Variants in TRIM43B observed in about 807,000 individuals in gnomAD.
TRIM43B encodes the protein tripartite motif-containing protein 43B.
Under a neutral mutation model 27.0 loss-of-function variants are expected in TRIM43B, and 15 were observed. The ratio of observed to expected loss-of-function variants is 0.55; its 90% CI spans 0.37 to 0.85. The LOEUF is 0.85. Among genes scored for constraint, TRIM43B ranks in the 40% least tolerant of loss-of-function variants. The pLI is 0.00. For missense variants in TRIM43B, 172 were observed against 289.8 expected, an observed-to-expected ratio of 0.59 and a Z score of 2.95; for synonymous variants, 69 against 97.8, an observed-to-expected ratio of 0.71 and a Z score of 1.74.
intron 3 of TRIM43B, among the ~76,000 whole-genome samples, chr2:95,481,168 G>A (rs1485383926): frequency 6.6e-6 from 1 of 151,764 alleles, no homozygotes. Flanking sequence ...CTCCTACTCG[G>A]ACTGGCATCA....
intron 2 of TRIM43B, 98 bp downstream of exon 2, chr2:95,482,206 G>A: frequency 8.0e-7 from 1 of 1,243,524 alleles, no homozygotes; most frequent in South Asian, 1.6e-5. Flanking sequence ...CTGGCACTCA[G>A]TAAAGAATGG....
At chr2:95,484,323 G>T (rs527898025) in intron 1 of TRIM43B, among the ~76,000 whole-genome samples, 90 of 152,126 alleles carry the variant, frequency 5.9e-4, no homozygotes, top group African/African-American at 2.1e-3. Flanking sequence ...AGTGAGCCAA[G>T]AGCGCCGCCG....
chr2:95,484,227 A>C lies in TRIM43B; in HGVS notation c.-5+379T>G, dbSNP rs562780091. ...CTACTAAAAAAAATACAAAATTTAG[A>C]TGGGCGTGGTGGCAGGCGGCTATAT... is the stretch of plus-strand genomic sequence containing the variant. On this transcript the variant is annotated intron_variant, in intron 1 of 6. Coordinates refer to ENST00000639673, the Ensembl canonical transcript of TRIM43B. 5.7e-4 allele frequency among the ~76,000 whole-genome samples: 86 copies of C among 151,816 alleles called. 1 individual carries two copies. The highest frequency in any genetic ancestry group is 1.8e-3 in the East Asian group (9 of 5,134).
rs1000987048 is a variant in TRIM43B at position 95,480,191 on chromosome 2, A to G, written c.738+114T>C. 3.3e-5 allele frequency: 48 copies of G among 1,462,774 alleles called. 1 individual carries two copies. Among genetic ancestry groups the G allele is most frequent in the Non-Finnish European group, 4.4e-5 (48 of 1,101,174 alleles). The allele number at this position is 1,462,774 out of a possible 1,614,324, so 90.6% of individuals were successfully genotyped here. ...TTTATCTCTATAACCGGTGGGAATG[A>G]CTCTCACCGTCAGTGCAGGAGATGA... On this transcript the variant is annotated intron_variant, in intron 4 of 6. Transcript: ENST00000639673.
intron 1 of TRIM43B, among the ~76,000 whole-genome samples, chr2:95,483,282 T>G (rs532000824): frequency 2.3e-4 from 35 of 152,176 alleles, no homozygotes; most frequent in Admixed American, 7.9e-4. Context: ...TCAAGGTAAG[T>G]TACCTCTCCA....
intron 1 of TRIM43B, among the ~76,000 whole-genome samples, chr2:95,483,283 T>C (rs909002576): frequency 2.2e-4 from 34 of 152,260 alleles, no homozygotes; most frequent in Admixed American, 7.9e-4. Flanking sequence ...CAAGGTAAGT[T>C]ACCTCTCCAA....
intron 4 of TRIM43B, among the ~76,000 whole-genome samples, 176 bp downstream of exon 4, chr2:95,480,129 T>G (rs1262182561): frequency 6.7e-6 from 1 of 149,142 alleles, no homozygotes; most frequent in Non-Finnish European, 1.5e-5. Flanking sequence ...CACAATTCCA[T>G]AAAGCTTTAT....
intron 1 of TRIM43B, among the ~76,000 whole-genome samples, chr2:95,483,973 C>G (rs1683588716): frequency 6.6e-6 from 1 of 151,064 alleles, no homozygotes; most frequent in Middle Eastern, 3.2e-3. Flanking sequence ...TTTTGGGAGG[C>G]CAAGTCAGGC....
At chr2:95,482,656 T>C (rs1683554706) in exon 2 of TRIM43B, 1 of 1,613,592 alleles carries the variant, frequency 6.2e-7, no homozygotes, top group Non-Finnish European at 8.5e-7. Flanking sequence ...TACCAGGTAG[T>C]TCAAACAGAT....
In TRIM43B at chr2:95,482,332, G is replaced by A. The variant is rs764468196; in HGVS notation, c.383C>T (p.Pro128Leu). The A allele has an allele frequency of 3.7e-6, 6 of 1,611,372 alleles. No individual in the cohort carries two copies. The African/African-American group carries it at 5.4e-5, about 14-fold the overall frequency. The change falls in exon 2 of 7, where the codon CCC becomes CTC. Residue 128 changes from proline (P) to leucine (L), a missense_variant. Physicochemically the swap from Pro to Leu is moderately conservative, Grantham distance 98 (BLOSUM62 -3). Around this residue, in one of 3 missense-constraint regions of TRIM43B, gnomAD observed 67 missense variants for 66.4 expected, o/e 1.01. Coordinates refer to ENST00000639673, the Ensembl canonical transcript of TRIM43B. ...GTCTTCCTCAGCTGCCTCTTCGATG[G>A]GATAGTGTTTGTGAGCCCCGTGCTC...
In TRIM43B at chr2:95,481,794, A is replaced by G. The variant is rs969890844; in HGVS notation, c.412-104T>C. 1.2e-5 allele frequency: 15 copies of G among 1,290,182 alleles called. No individual in the cohort carries two copies. In the Admixed American group the frequency reaches 2.2e-4, roughly 19 times the overall value. 79.9% of individuals were successfully genotyped at this position (1,290,182 alleles called of 1,614,324 possible). ...TCTAATATATAAATACATTAGTGAG[A>G]GGAGAAAAAAACAAAATTTTTCATT... On this transcript the variant is annotated intron_variant, in intron 2 of 6. Transcript: ENST00000639673.
exon 2 of TRIM43B, chr2:95,482,363 A>G: frequency 1.2e-6 from 2 of 1,610,220 alleles, no homozygotes; most frequent in Non-Finnish European, 1.7e-6. Context: ...TGCTCCTGAG[A>G]GTTGGAGCAC....
chr2:95,484,365 T>C (rs1683603138), intron 1 of TRIM43B, among the ~76,000 whole-genome samples: 1 of 151,894 alleles, frequency 6.6e-6, no homozygotes, highest in South Asian at 2.1e-4. Context: ...CGTGATTCCA[T>C]CTCAAAATAA....
exon 3 of TRIM43B, chr2:95,481,623 T>G: frequency 6.2e-7 from 1 of 1,612,670 alleles, no homozygotes; most frequent in Non-Finnish European, 8.5e-7. Context: ...TCTTCTCTCC[T>G]CATATAGATT....
chr2:95,480,773 A>T (rs1231661315), intron 3 of TRIM43B, among the ~76,000 whole-genome samples: 2 of 152,148 alleles, frequency 1.3e-5, no homozygotes, highest in Non-Finnish European at 2.9e-5. Flanking sequence ...AAACAACTAA[A>T]ATTTATGATT....
exon 2 of TRIM43B, chr2:95,482,345 G>A: frequency 4.3e-6 from 7 of 1,611,334 alleles, no homozygotes; most frequent in Non-Finnish European, 4.2e-6. Flanking sequence ...TAGTGTTTGT[G>A]AGCCCCGTGC....
intron 1 of TRIM43B, among the ~76,000 whole-genome samples, chr2:95,483,303 A>G (rs1287793450): frequency 1.3e-5 from 2 of 152,156 alleles, no homozygotes; most frequent in Non-Finnish European, 2.9e-5. Context: ...AGGTAAAGCT[A>G]AGAATCATTG....
chr2:95,482,246 T>G, intron 2 of TRIM43B, 58 bp downstream of exon 2: 1 of 1,504,834 alleles, frequency 6.6e-7, no homozygotes. Flanking sequence ...ATCATCCTTC[T>G]AATCTCTTTA....
At chr2:95,483,760 G>A (rs903275800) in intron 1 of TRIM43B, among the ~76,000 whole-genome samples, 2 of 151,914 alleles carry the variant, frequency 1.3e-5, no homozygotes, top group Admixed American at 6.6e-5. Context: ...CCCGGGAGGC[G>A]GAGCTTGCAG....
Sources: gnomAD v4.1 joint callset for allele counts (sites outside exome capture counted in the v4.1 genomes callset) on GRCh38, gnomAD v4.1.1 for gene constraint, gnomAD v4.1.1 regional missense constraint, MANE v1.5 for transcripts, NCBI Gene and HGNC (gene_info 2026-07-23, HGNC 2026-07-21) for gene names.